The following ESR1 variants were observed in gnomAD, a reference collection of about 807,000 sequenced individuals.
The protein encoded by ESR1 is estrogen receptor.
Under a neutral mutation model 52.7 loss-of-function variants are expected in ESR1, and 12 were observed. The ratio of observed to expected loss-of-function variants is 0.23; its 90% CI spans 0.15 to 0.37. ESR1 has a LOEUF of 0.37. ESR1 is among the 10% of genes least tolerant of loss of function. The pLI is 1.00. For missense variants in ESR1, 584 were observed against 779.7 expected, an observed-to-expected ratio of 0.75 and a Z score of 2.99; for synonymous variants, 305 against 316.8, an observed-to-expected ratio of 0.96 and a Z score of 0.39.
intron 2 of ESR1, among the ~76,000 whole-genome samples, chr6:151,793,373 C>G (rs986645430): frequency 1.2e-4 from 18 of 151,908 alleles, no homozygotes; most frequent in African/African-American, 4.4e-4. Context: ...TGGAAGACCT[C>G]CAGAAGGACC....
intron 2 of ESR1, among the ~76,000 whole-genome samples, chr6:151,753,518 G>C (rs1173219182): frequency 6.6e-6 from 1 of 151,912 alleles, no homozygotes; most frequent in Non-Finnish European, 1.5e-5. Flanking sequence ...AGGTTTCACC[G>C]TGTTGACTAG....
At chr6:152,089,853 C>CAG (rs1281323403) in intron 6 of ESR1, among the ~76,000 whole-genome samples, 2 of 152,194 alleles carry the variant, frequency 1.3e-5, no homozygotes, top group Non-Finnish European at 2.9e-5. Context: ...TGGTGGGTTA[C>CAG]AGGCATGAGT....
At chr6:152,031,876 A>T (rs1434039444) in intron 5 of ESR1, among the ~76,000 whole-genome samples, 3 of 152,244 alleles carry the variant, frequency 2.0e-5, no homozygotes, top group Non-Finnish European at 4.4e-5. Flanking sequence ...ATGAACATCG[A>T]TGCAAAAATC....
chr6:151,931,455 CT>C (rs143439589), intron 3 of ESR1, among the ~76,000 whole-genome samples: 21 of 151,242 alleles, frequency 1.4e-4, no homozygotes, highest in Admixed American at 2.0e-4. Context: ...CCCTCAAACT[CT>C]TTTTTTTTAT....
At chr6:151,778,825 CTT>C (rs1054287809) in intron 2 of ESR1, among the ~76,000 whole-genome samples, 4 of 152,088 alleles carry the variant, frequency 2.6e-5, no homozygotes, top group African/African-American at 7.2e-5. Context: ...AAAAAAGATA[CTT>C]TTTTTGCCAA....
rs2128528441 is a variant in ESR1, at chr6:151,944,384, C to T, written c.972C>T (p.Pro324=). 6.2e-7 allele frequency: 1 copy of T among 1,613,908 alleles called. No homozygotes were observed. Among genetic ancestry groups the T allele is most frequent in the African/African-American group, 1.3e-5 (1 of 74,990 alleles). ...QMVSALLDAE[P]PILYSEYDPT... Reference sequence around the variant, plus strand: ...TCAGTGCCTTGTTGGATGCTGAGCCCCCGATACTCTATTCCGAGTATGATC... The same window carrying T: ...TCAGTGCCTTGTTGGATGCTGAGCCTCCGATACTCTATTCCGAGTATGATC... Residue 324 remains proline (P), a synonymous_variant, in exon 4 of 8, where the codon CCC becomes CCT. Coordinates refer to ENST00000206249, the MANE Select transcript of ESR1 (RefSeq NM_000125.4).
chr6:151,760,290 T>C (rs535715622), intron 2 of ESR1, among the ~76,000 whole-genome samples: 1 of 152,208 alleles, frequency 6.6e-6, no homozygotes, highest in African/African-American at 2.4e-5. Flanking sequence ...ACTCATTGCC[T>C]TTCTTTGAAT....
upstream of ESR1, among the ~76,000 whole-genome samples, chr6:151,689,266 A>G (rs1013023009): frequency 1.3e-5 from 2 of 152,222 alleles, no homozygotes; most frequent in African/African-American, 4.8e-5. Context: ...TGAACTGTTC[A>G]GAGCATGTTA....
At chr6:151,694,292 A>G (rs1779161833) in intron 1 of ESR1, among the ~76,000 whole-genome samples, 1 of 152,202 alleles carries the variant, frequency 6.6e-6, no homozygotes, top group Non-Finnish European at 1.5e-5. Context: ...AAAGTTTGTA[A>G]TCAATATGAA....
intron 4 of ESR1, among the ~76,000 whole-genome samples, chr6:151,969,678 T>C (rs1203840972): frequency 6.6e-6 from 1 of 152,196 alleles, no homozygotes; most frequent in Admixed American, 6.5e-5. Context: ...TTACCTGTCT[T>C]CTTGTAGCAG....
intron 2 of ESR1, among the ~76,000 whole-genome samples, chr6:151,858,174 T>C (rs1359429621): frequency 6.6e-6 from 1 of 152,194 alleles, no homozygotes; most frequent in Non-Finnish European, 1.5e-5. Context: ...CCAAGAGAAA[T>C]TGTGTCAGGT....
At chr6:152,066,064 AG>A in intron 6 of ESR1, among the ~76,000 whole-genome samples, 1 of 152,212 alleles carries the variant, frequency 6.6e-6, no homozygotes, top group Non-Finnish European at 1.5e-5. Flanking sequence ...ATAAACATGA[AG>A]CAGTGCCAGC....
At chr6:151,672,703 C>A (rs896498290) in intron 1 of ESR1, among the ~76,000 whole-genome samples, 8 of 151,758 alleles carry the variant, frequency 5.3e-5, no homozygotes, top group African/African-American at 1.9e-4. Context: ...GAACTCCTGA[C>A]CTCAGGTGAT....
chr6:151,925,360 A>T (rs1312931956), intron 3 of ESR1, among the ~76,000 whole-genome samples: 1 of 152,208 alleles, frequency 6.6e-6, no homozygotes, highest in African/African-American at 2.4e-5. Context: ...TAATCCCAGC[A>T]CTTTGGGAAG....
At chr6:151,991,740 C>T (rs966923178) in intron 4 of ESR1, among the ~76,000 whole-genome samples, 3 of 152,160 alleles carry the variant, frequency 2.0e-5, no homozygotes, top group African/African-American at 7.2e-5. Flanking sequence ...ACTTCTGCTT[C>T]ACGTCTGTGA....
chr6:152,009,731 A>G (rs1202301320), intron 4 of ESR1, among the ~76,000 whole-genome samples: 2 of 152,164 alleles, frequency 1.3e-5, no homozygotes, highest in Non-Finnish European at 2.9e-5. Flanking sequence ...ACTCTTACGT[A>G]TTTAACCAAG....
intron 3 of ESR1, among the ~76,000 whole-genome samples, chr6:151,891,334 A>G (rs1384144278): frequency 6.6e-6 from 1 of 152,186 alleles, no homozygotes; most frequent in Non-Finnish European, 1.5e-5. Flanking sequence ...TTGTTTGTAC[A>G]ATTTTCTTTT....
At chr6:151,931,059 C>G (rs2033525984) in intron 3 of ESR1, among the ~76,000 whole-genome samples, 4 of 151,990 alleles carry the variant, frequency 2.6e-5, no homozygotes, top group Admixed American at 2.6e-4. Context: ...CTTGATACTC[C>G]CTGAGCTTCC....
At chr6:151,978,226 T>C (rs1445279708) in intron 4 of ESR1, among the ~76,000 whole-genome samples, 1 of 152,064 alleles carries the variant, frequency 6.6e-6, no homozygotes, top group Non-Finnish European at 1.5e-5. Context: ...ATAATAATTA[T>C]AGTGAAAAAA....
Sources: allele counts gnomAD v4.1 joint callset (sites outside exome capture counted in the v4.1 genomes callset), GRCh38; gene constraint gnomAD v4.1.1; transcripts MANE v1.5; gene names NCBI Gene and HGNC (gene_info 2026-07-23, HGNC 2026-07-21).